Variants in SORCS3 observed in about 807,000 individuals in gnomAD.
SORCS3 encodes sortilin related VPS10 domain containing receptor 3, also known as VPS10 domain-containing receptor SorCS3.
In SORCS3, 57 loss-of-function variants were observed where a neutral mutation model predicts 146.3. The observed-to-expected ratio is 0.39, with a 90% CI of 0.31 to 0.49. The LOEUF is 0.49. Ranked by LOEUF, SORCS3 falls within the 20% of genes least tolerant of loss-of-function variation. The pLI, the probability that SORCS3 is intolerant of heterozygous loss-of-function variation, is 0.92. For missense variants in SORCS3, 1,341 were observed against 1,575.5 expected (o/e 0.85, Z 2.52); for synonymous variants, 653 against 618.5 (o/e 1.06, Z -0.83).
rs533893336 is a variant in SORCS3 at position 104,692,943 on chromosome 10, G to A, written c.627+50989G>A. Reference sequence around the variant, plus strand: ...GCTGGCCCAAAGATCTGATTCAGCAGTCCTGGGAATCTGCATTTTTAACAA... The same window carrying A: ...GCTGGCCCAAAGATCTGATTCAGCAATCCTGGGAATCTGCATTTTTAACAA... On this transcript the variant is annotated intron_variant, in intron 1 of 26. Coordinates refer to ENST00000369701, the MANE Select transcript of SORCS3 (RefSeq NM_014978.3). Among the ~76,000 whole-genome samples, 5 of 152,324 alleles carry A rather than the reference G, an allele frequency of 3.3e-5. No individual in the cohort carries two copies. The South Asian group carries it at 1.0e-3, about 32-fold the overall frequency.
At chr10:104,830,899 C>A (rs2017993441) in intron 1 of SORCS3, among the ~76,000 whole-genome samples, 1 of 152,162 alleles carries the variant, frequency 6.6e-6, no homozygotes, top group African/African-American at 2.4e-5. Flanking sequence ...ACAGCCTTGA[C>A]CTCCTGGGCT....
chr10:105,008,513 C>A (rs2055111612), intron 4 of SORCS3, among the ~76,000 whole-genome samples: 1 of 152,180 alleles, frequency 6.6e-6, no homozygotes, highest in Admixed American at 6.5e-5. Context: ...GTTGCATTGA[C>A]TCATGAGAAT....
At chr10:104,904,567 A>G (rs78443007) in intron 2 of SORCS3, among the ~76,000 whole-genome samples, 6,237 of 152,224 alleles carry the variant, frequency 0.041, 172 homozygotes, top group Middle Eastern at 0.075. Flanking sequence ...ATTATGATGC[A>G]TTCATACACT....
chr10:105,071,907 C>A (rs1261978562), intron 5 of SORCS3, among the ~76,000 whole-genome samples: 1 of 152,188 alleles, frequency 6.6e-6, no homozygotes, highest in Non-Finnish European at 1.5e-5. Flanking sequence ...TAAACTAATG[C>A]AGCTTGAAAG....
chr10:104,649,659 G>A (rs2015535868), intron 1 of SORCS3, among the ~76,000 whole-genome samples: 1 of 152,162 alleles, frequency 6.6e-6, no homozygotes, highest in Non-Finnish European at 1.5e-5. Context: ...TATCTTTTAT[G>A]TCGTGCTAAA....
chr10:105,159,448 G>A (rs1385095), intron 11 of SORCS3, among the ~76,000 whole-genome samples: 13,226 of 152,234 alleles, frequency 0.087, 712 homozygotes, highest in Admixed American at 0.16. Flanking sequence ...TTTACACATG[G>A]TTAACCCCTT....
chr10:104,774,781 T>A (rs989246644), intron 1 of SORCS3, among the ~76,000 whole-genome samples: 21 of 152,276 alleles, frequency 1.4e-4, no homozygotes, highest in Admixed American at 1.3e-3. Flanking sequence ...CTTGACCAAG[T>A]CATTTTCCAT....
At chr10:104,984,181 A>G (rs1305026240) in intron 4 of SORCS3, among the ~76,000 whole-genome samples, 1 of 152,192 alleles carries the variant, frequency 6.6e-6, no homozygotes, top group Non-Finnish European at 1.5e-5. Context: ...AAGGGAGGTA[A>G]ACAATAGAGA....
intron 5 of SORCS3, among the ~76,000 whole-genome samples, chr10:105,060,713 C>T (rs1252133974): frequency 5.3e-5 from 8 of 152,058 alleles, no homozygotes; most frequent in African/African-American, 9.7e-5. Context: ...CTGAGGCAGG[C>T]GGATCACCTA....
At chr10:105,177,205 T>G (rs963696135) in intron 13 of SORCS3, among the ~76,000 whole-genome samples, 1 of 151,964 alleles carries the variant, frequency 6.6e-6, no homozygotes, top group African/African-American at 2.4e-5. Context: ...AATCCTAAAT[T>G]ATGGAAATAG....
At chr10:104,712,742 A>C (rs546630895) in intron 1 of SORCS3, among the ~76,000 whole-genome samples, 2 of 152,322 alleles carry the variant, frequency 1.3e-5, no homozygotes, top group South Asian at 4.1e-4. Flanking sequence ...CTTCCAACAT[A>C]GGAACCCTCT....
intron 10 of SORCS3, among the ~76,000 whole-genome samples, chr10:105,157,674 A>G (rs998675149): frequency 6.6e-6 from 1 of 152,160 alleles, no homozygotes; most frequent in Non-Finnish European, 1.5e-5. Flanking sequence ...TTGCTTTGAG[A>G]ATCCAGGGGG....
In SORCS3 at chr10:104,943,021, G is replaced by T. The variant is rs191170203; in HGVS notation, c.795+27089G>T. Among the ~76,000 whole-genome samples, 4 of 152,244 alleles carry T rather than the reference G, an allele frequency of 2.6e-5. No individual in the cohort carries two copies. In the East Asian group the frequency reaches 5.8e-4, roughly 22 times the overall value. ...AATAACAACTGTGGAAAATTCAAAAGAATCTGTAAATAAACCCTTAGAATT... is the reference window on the plus strand; with the variant it reads ...AATAACAACTGTGGAAAATTCAAAATAATCTGTAAATAAACCCTTAGAATT... On this transcript the variant is annotated intron_variant, in intron 3 of 26. Coordinates refer to ENST00000369701, the MANE Select transcript of SORCS3 (RefSeq NM_014978.3).
chr10:104,729,715 A>G lies in SORCS3; in HGVS notation c.627+87761A>G, dbSNP rs540926953. On this transcript the variant is annotated intron_variant, in intron 1 of 26. Coordinates refer to ENST00000369701, the MANE Select transcript of SORCS3 (RefSeq NM_014978.3). Reference sequence around the variant, plus strand: ...TCAAGTGCTGTATGTATCAGGCTGCATGAGTGGAACTACAGAACCTGTCAT... The same window carrying G: ...TCAAGTGCTGTATGTATCAGGCTGCGTGAGTGGAACTACAGAACCTGTCAT... Among the ~76,000 whole-genome samples the G allele has an allele frequency of 7.9e-5, 12 of 152,356 alleles. No individual in the cohort carries two copies. In the East Asian group the frequency reaches 2.3e-3, roughly 29 times the overall value.
At position 104,868,217 on chromosome 10, in the gene SORCS3, G is replaced by A. The variant is rs1051259474; in HGVS notation, c.695+25358G>A. Among the ~76,000 whole-genome samples the A allele has an allele frequency of 5.3e-5, 8 of 152,326 alleles. No individual in the cohort carries two copies. The East Asian group carries it at 1.5e-3, about 29-fold the overall frequency. On this transcript the variant is annotated intron_variant, in intron 2 of 26. Transcript: ENST00000369701. The stretch of plus-strand genomic sequence containing the variant: ...GTCTTGGCTGCCATCTTGGGGAAAT[G>A]TCTCTTTGTAAATAACGTGTGCAGC...
At chr10:105,206,105 T>C (rs1270755578) in intron 16 of SORCS3, among the ~76,000 whole-genome samples, 1 of 152,124 alleles carries the variant, frequency 6.6e-6, no homozygotes, top group Non-Finnish European at 1.5e-5. Context: ...ACTCTGCCTA[T>C]GGAGCACAAG....
chr10:104,778,241 T>G (rs1422059757), intron 1 of SORCS3, among the ~76,000 whole-genome samples: 1 of 152,198 alleles, frequency 6.6e-6, no homozygotes, highest in African/African-American at 2.4e-5. Context: ...ACAACCATTC[T>G]ATACCAATTA....
rs528475800 is a variant in SORCS3, at chr10:105,016,986, T to A, written c.955-26069T>A. Among the ~76,000 whole-genome samples the A allele has an allele frequency of 1.2e-4, 19 of 152,366 alleles. No homozygotes were observed. In the South Asian group the frequency reaches 3.7e-3, roughly 30 times the overall value. ...TCTTGGAATCAAGAGAGCAGTGTAC[T>A]CATTTGGAGGACAGCATTTTTAACA... is the stretch of plus-strand genomic sequence containing the variant. On this transcript the variant is annotated intron_variant, in intron 4 of 26. Coordinates refer to ENST00000369701, the MANE Select transcript of SORCS3 (RefSeq NM_014978.3).
chr10:105,173,112 C>T (rs2056373037), intron 13 of SORCS3, among the ~76,000 whole-genome samples: 1 of 152,058 alleles, frequency 6.6e-6, no homozygotes, highest in African/African-American at 2.4e-5. Context: ...GTCCAAAAAG[C>T]ATCAATCTTG....
Sources: allele counts gnomAD v4.1 joint callset (sites outside exome capture counted in the v4.1 genomes callset), GRCh38; gene constraint gnomAD v4.1.1; transcripts MANE v1.5; gene names NCBI Gene and HGNC (gene_info 2026-07-23, HGNC 2026-07-21).